ZC2HC1C: variants seen among roughly 807,000 people sequenced by gnomAD.
ZC2HC1C encodes the protein zinc finger C2HC-type containing 1C.
A neutral mutation model predicts 39.2 loss-of-function variants in ZC2HC1C; 25 were observed. That is an observed-to-expected ratio of 0.64 (90% CI 0.47 to 0.89). The LOEUF (loss-of-function observed/expected upper bound fraction) is 0.89. Ranked by LOEUF, ZC2HC1C falls within the 40% of genes least tolerant of loss-of-function variation. The pLI is 0.00. For synonymous variants in ZC2HC1C, 209 were observed against 214.4 expected, an observed-to-expected ratio of 0.97 and a Z score of 0.22; for missense variants, 519 against 548.6, an observed-to-expected ratio of 0.95 and a Z score of 0.54.
At chr14:75,076,378 C>T (rs175494) in intron 2 of ZC2HC1C, among the ~76,000 whole-genome samples, 64 of 151,820 alleles carry the variant, frequency 4.2e-4, no homozygotes, top group African/African-American at 1.4e-3. Context: ...AAGCAATTCT[C>T]CTGCCTCAGC....
At chr14:75,073,590 G>C (rs1207515464) in intron 2 of ZC2HC1C, 2 of 1,289,248 alleles carry the variant, frequency 1.6e-6, no homozygotes, top group Non-Finnish European at 2.0e-6. Context: ...TTTGGAAGCT[G>C]AGTGGTTGTA....
chr14:75,071,998 CAT>C, intron 2 of ZC2HC1C, 87 bp downstream of exon 2: 1 of 1,488,780 alleles, frequency 6.7e-7, no homozygotes, highest in Non-Finnish European at 8.9e-7. Context: ...AGGGAAAATT[CAT>C]GTGTCATGTA....
rs967927038 is a variant in ZC2HC1C, at chr14:75,078,924, AGAT to A, written c.*1363_*1365del. 2.0e-5 allele frequency: 3 copies of A among 152,172 alleles called. No homozygotes were observed. The highest frequency in any genetic ancestry group is 6.5e-5 in the Admixed American group (1 of 15,276). 9.4% of individuals were successfully genotyped at this position (152,172 alleles called of 1,614,324 possible). A position where few individuals can be genotyped will look rare whatever the true frequency, so the allele number is the denominator to read the frequency against. ...TCTGGAGATTTAAAATTAAACAAGA[AGAT>A]GAGTGAGTCCTACACTAGTGAAATC... On this transcript the variant is annotated 3_prime_UTR_variant, in exon 3 of 3. Transcript: ENST00000524913.
chr14:75,075,807 A>G (rs1893640688), intron 2 of ZC2HC1C, among the ~76,000 whole-genome samples: 3 of 152,216 alleles, frequency 2.0e-5, no homozygotes, highest in Admixed American at 1.3e-4. Flanking sequence ...CTATAATCCC[A>G]GTACTTTGGG....
Position 75,071,095 on chromosome 14 carries a change from A to T in ZC2HC1C, c.522A>T (p.Ser174=), listed in dbSNP as rs1566626552. The T allele has an allele frequency of 6.2e-7, 1 of 1,614,200 alleles. No homozygotes were observed. Among genetic ancestry groups the T allele is most frequent in the Non-Finnish European group, 8.5e-7 (1 of 1,180,050 alleles). Reference sequence around the variant, plus strand: ...GGCCCCCTGAGCCGAGAGAGTTTTCATCTAGGAACTTTGGTGTGAGGAACC... The same window carrying T: ...GGCCCCCTGAGCCGAGAGAGTTTTCTTCTAGGAACTTTGGTGTGAGGAACC... The part of the protein sequence containing the change: ...YPRPPEPREF[S]SRNFGVRNQG... Residue 174 remains serine (S), a synonymous_variant, in exon 2 of 3, where the codon TCA becomes TCT. Transcript: ENST00000524913.
rs191347768 is a variant in ZC2HC1C at position 75,072,164 on chromosome 14, A to G, written c.1338+253A>G. ...CTAAGTAACTTGCTTGAGGTCACAA[A>G]CAGCTTTAAGTGGCAGAGTCGGCAT... is the stretch of plus-strand genomic sequence containing the variant. On this transcript the variant is annotated intron_variant, in intron 2 of 2. Coordinates refer to ENST00000524913, the MANE Select transcript of ZC2HC1C (RefSeq NM_024643.4). Among the ~76,000 whole-genome samples the G allele has an allele frequency of 2.0e-5, 3 of 152,358 alleles. No individual in the cohort carries two copies. The East Asian group carries it at 5.8e-4, about 29-fold the overall frequency.
Position 75,079,692 on chromosome 14 carries a change from G to T in ZC2HC1C, c.*2128G>T, listed in dbSNP as rs1893812200. 1 of 152,204 alleles carries T rather than the reference G, an allele frequency of 6.6e-6. No individual in the cohort carries two copies. Among genetic ancestry groups the T allele is most frequent in the African/African-American group, 2.4e-5 (1 of 41,446 alleles). The allele number at this position is 152,204 out of a possible 1,614,324, so 9.4% of individuals were successfully genotyped here. A position where few individuals can be genotyped will look rare whatever the true frequency, so the allele number is the denominator to read the frequency against. On this transcript the variant is annotated 3_prime_UTR_variant, in exon 3 of 3. Transcript: ENST00000524913. ...ATCTCTTGAAAAACTGGAAGTTCTGGAAACACTGGGCCAGCAACCCGCATG... is the reference window on the plus strand; with the variant it reads ...ATCTCTTGAAAAACTGGAAGTTCTGTAAACACTGGGCCAGCAACCCGCATG...
In ZC2HC1C at chr14:75,071,827, G is replaced by C. The variant is rs1464248810; in HGVS notation, c.1254G>C (p.Arg418Ser). 2 of 1,614,054 alleles carry C rather than the reference G, an allele frequency of 1.2e-6. No homozygotes were observed. The highest frequency in any genetic ancestry group is 1.7e-6 in the Non-Finnish European group (2 of 1,180,034). ...NICSRMRGSKRKVFDSSRARA... is the reference protein window; with the variant it reads ...NICSRMRGSKSKVFDSSRARA... ...GCAGCAGGATGCGGGGTTCCAAGAG[G>C]AAAGTGTTTGACTCCTCCAGGGCCC... is the stretch of plus-strand genomic sequence containing the variant. Residue 418 changes from arginine to serine, a missense_variant, in exon 2 of 3, where the codon AGG becomes AGC. By Grantham distance (110) the Arg-to-Ser change is moderately radical. Coordinates refer to ENST00000524913, the MANE Select transcript of ZC2HC1C (RefSeq NM_024643.4).
Position 75,078,420 on chromosome 14 carries a change from T to G in ZC2HC1C, c.*856T>G, listed in dbSNP as rs757598787. On this transcript the variant is annotated 3_prime_UTR_variant, in exon 3 of 3. Transcript: ENST00000524913. The stretch of plus-strand genomic sequence containing the variant: ...CTGTGTAATAAAGGAAAGATCTTTA[T>G]GTACTTTACAGGGTAGGGATGGGTG... 1 of 152,178 alleles carries G rather than the reference T, an allele frequency of 6.6e-6. No homozygotes were observed. Among genetic ancestry groups the G allele is most frequent in the South Asian group, 2.1e-4 (1 of 4,828 alleles). 9.4% of individuals were successfully genotyped at this position (152,178 alleles called of 1,614,324 possible). A position where few individuals can be genotyped will look rare whatever the true frequency, so the allele number is the denominator to read the frequency against.
intron 2 of ZC2HC1C, among the ~76,000 whole-genome samples, chr14:75,074,936 TTC>T (rs1439169405): frequency 1.3e-5 from 2 of 152,330 alleles, no homozygotes; most frequent in East Asian, 3.9e-4. Context: ...TCTCCTACTG[TTC>T]TCTTTCTCTT....
intron 2 of ZC2HC1C, among the ~76,000 whole-genome samples, chr14:75,075,993 G>A (rs149587037): frequency 1.3e-5 from 2 of 152,130 alleles, no homozygotes; most frequent in South Asian, 4.1e-4. Flanking sequence ...GGAGGCTGAC[G>A]TTGCAGTCAA....
rs372168979 is a variant in ZC2HC1C at position 75,071,303 on chromosome 14, G to T, written c.730G>T (p.Glu244Ter). Residue 244 changes from glutamate (E) to a stop codon, truncating the protein, a stop_gained, in exon 2 of 3, where the codon GAA (glutamate) becomes TAA (stop). Coordinates refer to ENST00000524913, the MANE Select transcript of ZC2HC1C (RefSeq NM_024643.4). LOFTEE classifies it high-confidence loss of function. ...LRGKLKKTEE[E>*]LRRIQTQKEQ... ...GGGAAAGCTGAAGAAGACAGAGGAGGAACTCAGAAGGATCCAGACGCAAAA... is the reference window on the plus strand; with the variant it reads ...GGGAAAGCTGAAGAAGACAGAGGAGTAACTCAGAAGGATCCAGACGCAAAA... 1 of 1,614,146 alleles carries T rather than the reference G, an allele frequency of 6.2e-7. No individual in the cohort carries two copies. Among genetic ancestry groups the T allele is most frequent in the South Asian group, 1.1e-5 (1 of 91,072 alleles).
rs756618180 is a variant in ZC2HC1C, at chr14:75,070,900, C to G, written c.327C>G (p.Tyr109Ter). The G allele has an allele frequency of 3.7e-6, 6 of 1,614,214 alleles. No individual in the cohort carries two copies. The South Asian group carries it at 6.6e-5, about 18-fold the overall frequency. ...DSQGQGNGLF[Y>*]SSGPQSWYPK... ...AGGGCCAAGGAAATGGTTTGTTTTA[C>G]TCGTCAGGCCCTCAATCCTGGTATC... Residue 109 changes from tyrosine to a stop codon, truncating the protein, a stop_gained, in exon 2 of 3, where the codon TAC (tyrosine) becomes TAG (stop). Transcript: ENST00000524913. LOFTEE classifies it high-confidence loss of function.
chr14:75,078,317 T>A lies in ZC2HC1C; in HGVS notation c.*753T>A, dbSNP rs1479451704. 1 of 152,294 alleles carries A rather than the reference T, an allele frequency of 6.6e-6. No individual in the cohort carries two copies. The highest frequency in any genetic ancestry group is 6.5e-5 in the Admixed American group (1 of 15,274). 9.4% of individuals were successfully genotyped at this position (152,294 alleles called of 1,614,324 possible). A position where few individuals can be genotyped will look rare whatever the true frequency, so the allele number is the denominator to read the frequency against. On this transcript the variant is annotated 3_prime_UTR_variant, in exon 3 of 3. Coordinates refer to ENST00000524913, the MANE Select transcript of ZC2HC1C (RefSeq NM_024643.4). ...GGAAATCTATCCTTGGTCTCCCTGG[T>A]GCATAAGCCTGGCCAAAACCCAATA...
chr14:75,070,068 G>A (rs1379094437), intron 1 of ZC2HC1C: 1 of 157,958 alleles, frequency 6.3e-6, no homozygotes, highest in African/African-American at 2.4e-5. Flanking sequence ...GGTTCCAGCA[G>A]GAGGGAAGCC....
At position 75,071,060 on chromosome 14, in the gene ZC2HC1C, G is replaced by A; in HGVS notation, c.487G>A (p.Val163Ile). The change falls in exon 2 of 3, where the codon GTC (valine) becomes ATC (isoleucine). Residue 163 changes from valine (V) to isoleucine (I), a missense_variant. Transcript: ENST00000524913. ...GGCTGGCACTGATGGGGACCATAATGTCTACCCAAGGCCCCCTGAGCCGAG... is the reference window on the plus strand; with the variant it reads ...GGCTGGCACTGATGGGGACCATAATATCTACCCAAGGCCCCCTGAGCCGAG... ...GEAGTDGDHNVYPRPPEPREF... is the reference protein window; with the variant it reads ...GEAGTDGDHNIYPRPPEPREF... The A allele has an allele frequency of 6.2e-7, 1 of 1,614,184 alleles. No homozygotes were observed. Among genetic ancestry groups the A allele is most frequent in the Non-Finnish European group, 8.5e-7 (1 of 1,180,030 alleles).
chr14:75,077,857 G>A lies in ZC2HC1C; in HGVS notation c.*293G>A. The A allele has an allele frequency of 2.8e-6, 1 of 361,606 alleles. No homozygotes were observed. The highest frequency in any genetic ancestry group is 5.1e-6 in the Non-Finnish European group (1 of 197,712). The allele number at this position is 361,606 out of a possible 1,614,324, so 22.4% of individuals were successfully genotyped here. A position where few individuals can be genotyped will look rare whatever the true frequency, so the allele number is the denominator to read the frequency against. On this transcript the variant is annotated 3_prime_UTR_variant, in exon 3 of 3. Transcript: ENST00000524913. ...GCTCTGCTTCTCTTCAGCAGTAAATGGGAGTAGAATTTGATGCAAAGCAGA... is the reference window on the plus strand; with the variant it reads ...GCTCTGCTTCTCTTCAGCAGTAAATAGGAGTAGAATTTGATGCAAAGCAGA...
chr14:75,071,356 A>G lies in ZC2HC1C; in HGVS notation c.783A>G (p.Gly261=). The change falls in exon 2 of 3, where the codon GGA becomes GGG. Residue 261 remains glycine, a synonymous_variant. Transcript: ENST00000524913. The part of the protein sequence containing the change: ...QKEQAKENEN[G]ELQKIILPRS... ...AACAGGCCAAGGAAAATGAAAACGG[A>G]GAGCTACAGAAAATTATACTCCCCA... The G allele has an allele frequency of 6.2e-7, 1 of 1,614,018 alleles. No homozygotes were observed. Among genetic ancestry groups the G allele is most frequent in the African/African-American group, 1.3e-5 (1 of 74,990 alleles).
rs761926692 is a variant in ZC2HC1C, at chr14:75,070,776, TCTATACTCA to T, written c.205_213del (p.Tyr69_His71del). The T allele has an allele frequency of 4.3e-6, 7 of 1,614,032 alleles. No homozygotes were observed. The highest frequency in any genetic ancestry group is 5.9e-6 in the Non-Finnish European group (7 of 1,180,036). On this transcript the variant is annotated inframe_deletion, in exon 2 of 3. Transcript: ENST00000524913. ...AACAAAGAGTTGATTCTGGATAAAG[TCTATACTCA>T]CCCCAAATGGAACACCCAAACAAAA...
Sources: allele counts gnomAD v4.1 joint callset (sites outside exome capture counted in the v4.1 genomes callset), GRCh38; gene constraint gnomAD v4.1.1; transcripts MANE v1.5; gene names NCBI Gene and HGNC (gene_info 2026-07-23, HGNC 2026-07-21).